SCN1A: variants seen among roughly 807,000 people sequenced by gnomAD.
SCN1A encodes the protein sodium channel protein type 1 subunit alpha.
In SCN1A, 13 loss-of-function variants were observed where a neutral mutation model predicts 193.7. The observed-to-expected ratio is 0.07, with a 90% CI of 0.04 to 0.11. SCN1A has a LOEUF of 0.11. Ranked by LOEUF, SCN1A falls within the 10% of genes least tolerant of loss-of-function variation. The probability of loss-of-function intolerance (pLI) is 1.00; values close to 1 mark genes in which losing one functional copy is unlikely to be tolerated. For synonymous variants in SCN1A, 781 were observed against 843.6 expected, an observed-to-expected ratio of 0.93 and a Z score of 1.29; for missense variants, 1,432 against 2,451.1, an observed-to-expected ratio of 0.58 and a Z score of 8.78.
chr2:166,050,280 T>C (rs1372243555), intron 9 of SCN1A, among the ~76,000 whole-genome samples: 1 of 151,778 alleles, frequency 6.6e-6, no homozygotes, highest in Non-Finnish European at 1.5e-5. Flanking sequence ...TACCTTTAAT[T>C]TTAATAAATT....
At chr2:166,045,737 G>A (rs1233293484) in intron 12 of SCN1A, among the ~76,000 whole-genome samples, 7 of 152,178 alleles carry the variant, frequency 4.6e-5, no homozygotes, top group Admixed American at 3.9e-4. Flanking sequence ...GCAGGGGAAT[G>A]GGATAAGGAC....
intron 9 of SCN1A, among the ~76,000 whole-genome samples, chr2:166,050,672 TCTCA>T: frequency 7.0e-6 from 1 of 142,474 alleles, no homozygotes; most frequent in Non-Finnish European, 1.5e-5. Context: ...AGAGAAGGGG[TCTCA>T]CTATGTTGCC....
chr2:166,132,282 T>A (rs948765381), upstream of SCN1A, among the ~76,000 whole-genome samples: 11 of 152,150 alleles, frequency 7.2e-5, no homozygotes, highest in African/African-American at 1.4e-4. Context: ...CCCTTTTGAT[T>A]GGAATAATCA....
chr2:166,048,294 A>C (rs573255447), intron 10 of SCN1A, among the ~76,000 whole-genome samples: 8 of 151,904 alleles, frequency 5.3e-5, no homozygotes, highest in African/African-American at 1.4e-4. Context: ...AGATTATTTC[A>C]TCACTGAGGT....
rs933367937 is a variant in SCN1A at position 165,996,015 on chromosome 2, C to G, written c.4579G>C (p.Gly1527Arg). 1.9e-6 allele frequency: 3 copies of G among 1,590,944 alleles called. No homozygotes were observed. The highest frequency in any genetic ancestry group is 2.6e-6 in the Non-Finnish European group (3 of 1,160,146). Reference sequence around the variant, plus strand: ...CCATATCATTTGATACTTCTTACTCCTGGTCGAGGTATAGGCTTTTGCGGT... The same window carrying G: ...CCATATCATTTGATACTTCTTACTCGTGGTCGAGGTATAGGCTTTTGCGGT... ...KKPQKPIPRP[G>R]NKFQGMVFDF... The change falls in exon 27 of 29, where the codon GGA becomes CGA. Residue 1527 changes from glycine (G) to arginine (R), a missense_variant and splice_region_variant. By Grantham distance (125) the Gly-to-Arg change is moderately radical (BLOSUM62 -2). Coordinates refer to ENST00000674923, the MANE Select transcript of SCN1A (RefSeq NM_001165963.4).
chr2:166,042,791 T>G (rs2105837619), intron 14 of SCN1A, among the ~76,000 whole-genome samples: 1 of 152,318 alleles, frequency 6.6e-6, no homozygotes, highest in African/African-American at 2.4e-5. Flanking sequence ...AGGCACTTGA[T>G]TTTTGAGAAG....
intron 28 of SCN1A, 34 bp downstream of exon 28, chr2:165,994,112 T>A: frequency 6.6e-7 from 1 of 1,511,112 alleles, no homozygotes. Flanking sequence ...TCACTTTTAT[T>A]TAACTGAATT....
At chr2:166,033,208 G>T (rs1695865915) in intron 19 of SCN1A, among the ~76,000 whole-genome samples, 1 of 152,068 alleles carries the variant, frequency 6.6e-6, no homozygotes. Context: ...TTCTGCCTAG[G>T]GTTAGGAAGG....
In SCN1A at chr2:166,045,178, C is replaced by G. The variant is rs147149558; in HGVS notation, c.1527G>C (p.Gln509His). Residue 509 changes from glutamine (Q) to histidine (H), a missense_variant, in exon 13 of 29, where the codon CAG (glutamine) becomes CAC (histidine). Physicochemically the swap from Gln to His is conservative, Grantham distance 24. Coordinates refer to ENST00000674923, the MANE Select transcript of SCN1A (RefSeq NM_001165963.4). The stretch of plus-strand genomic sequence containing the variant: ...CCTCATCTTTCTCTTCCCCACCAGA[C>G]TGCTCTTTCTGTTTTCTTTTCTTCC... ...NRRKKRKQKEQSGGEEKDEDE... is the reference protein window; with the variant it reads ...NRRKKRKQKEHSGGEEKDEDE... 6.2e-7 allele frequency: 1 copy of G among 1,614,134 alleles called. No individual in the cohort carries two copies. The highest frequency in any genetic ancestry group is 8.5e-7 in the Non-Finnish European group (1 of 1,180,024).
intron 2 of SCN1A, among the ~76,000 whole-genome samples, chr2:166,078,214 A>G (rs968258541): frequency 6.6e-6 from 1 of 151,794 alleles, no homozygotes; most frequent in Non-Finnish European, 1.5e-5. Context: ...AACTATATAC[A>G]ATACCTAAAC....
chr2:166,071,962 T>G (rs1055664734), intron 4 of SCN1A: 6 of 151,642 alleles, frequency 4.0e-5, no homozygotes, highest in Admixed American at 2.6e-4. Context: ...AAAAAAAATC[T>G]GAACCTAAGG....
rs576243684 is a variant in SCN1A, at chr2:166,117,779, G to C, written c.-142+9145C>G. On this transcript the variant is annotated intron_variant, in intron 2 of 28. Transcript: ENST00000674923. ...TGGGAGGCCAAGGCAGGCGGATCAC[G>C]AGATCAGGAGTTCAGCCTGGCCAAC... 8.5e-5 allele frequency among the ~76,000 whole-genome samples: 13 copies of C among 152,116 alleles called. No individual in the cohort carries two copies. In the South Asian group the frequency reaches 2.7e-3, roughly 32 times the overall value.
intron 14 of SCN1A, 143 bp from the exon 15 acceptor site, chr2:166,042,567 T>G: frequency 1.3e-6 from 1 of 792,806 alleles, no homozygotes; most frequent in Admixed American, 2.0e-5. Flanking sequence ...TATTTCTGAC[T>G]TATTGTATCA....
In SCN1A at chr2:166,033,373, C is replaced by T. The variant is rs190931978; in HGVS notation, c.3429+2675G>A. Among the ~76,000 whole-genome samples the T allele has an allele frequency of 1.7e-3, 258 of 152,144 alleles. 1 individual carries two copies. Among genetic ancestry groups the T allele is most frequent in the African/African-American group, 5.8e-3 (241 of 41,512 alleles). ...CACAGGTGGCAAAAGCTTCATTTACCAGGACTTCTCCCTCTGACATGAAAT... is the reference window on the plus strand; with the variant it reads ...CACAGGTGGCAAAAGCTTCATTTACTAGGACTTCTCCCTCTGACATGAAAT... On this transcript the variant is annotated intron_variant, in intron 19 of 28. Transcript: ENST00000674923.
At chr2:166,015,493 G>T in intron 20 of SCN1A, 114 bp downstream of exon 20, 1 of 1,281,484 alleles carries the variant, frequency 7.8e-7, no homozygotes, top group Non-Finnish European at 1.1e-6. Context: ...AGAGGTGATT[G>T]AATTATATCT....
chr2:166,004,750 T>A (rs1339506241), intron 23 of SCN1A, among the ~76,000 whole-genome samples: 1 of 151,416 alleles, frequency 6.6e-6, no homozygotes, highest in Non-Finnish European at 1.5e-5. Flanking sequence ...AATTGCCAGG[T>A]GATTGAGATG....
At chr2:166,093,944 T>A (rs1245424753) in intron 2 of SCN1A, among the ~76,000 whole-genome samples, 1 of 152,150 alleles carries the variant, frequency 6.6e-6, no homozygotes, top group Non-Finnish European at 1.5e-5. Flanking sequence ...GACTGATATT[T>A]CATTAGAAAC....
At chr2:166,005,309 T>C (rs572085108) in intron 23 of SCN1A, among the ~76,000 whole-genome samples, 1 of 151,550 alleles carries the variant, frequency 6.6e-6, no homozygotes, top group African/African-American at 2.4e-5. Flanking sequence ...GATCAAAGCA[T>C]AATTTTTAAA....
Position 165,991,447 on chromosome 2 carries a change from T to C in SCN1A, c.5828A>G (p.Asn1943Ser), listed in dbSNP as rs1439852642. 1.2e-6 allele frequency: 2 copies of C among 1,613,782 alleles called. No individual in the cohort carries two copies. Among genetic ancestry groups the C allele is most frequent in the Non-Finnish European group, 1.7e-6 (2 of 1,179,888 alleles). ...RTVKQASFTYNKNKIKGGANL... is the reference protein window; with the variant it reads ...RTVKQASFTYSKNKIKGGANL... ...AGCCCCACCTTTGATTTTGTTTTTATTGTACGTAAAGGAAGCTTGTTTTAC... is the reference window on the plus strand; with the variant it reads ...AGCCCCACCTTTGATTTTGTTTTTACTGTACGTAAAGGAAGCTTGTTTTAC... The change falls in exon 29 of 29, where the codon AAT becomes AGT. Residue 1943 changes from asparagine to serine, a missense_variant. Asn to Ser is a conservative substitution (Grantham distance 46, BLOSUM62 1). Coordinates refer to ENST00000674923, the MANE Select transcript of SCN1A (RefSeq NM_001165963.4).
Sources: allele counts gnomAD v4.1 joint callset (sites outside exome capture counted in the v4.1 genomes callset), GRCh38; gene constraint gnomAD v4.1.1; transcripts MANE v1.5; gene names NCBI Gene and HGNC (gene_info 2026-07-23, HGNC 2026-07-21).